Variants in FAT3 observed in about 807,000 individuals in gnomAD.
FAT3 encodes FAT atypical cadherin 3, also known as protocadherin Fat 3.
FAT3 carries 95 observed loss-of-function variants against 310.2 expected under a neutral mutation model. The ratio of observed to expected loss-of-function variants is 0.31; its 90% CI spans 0.26 to 0.36. FAT3 has a LOEUF of 0.36. Ranked by LOEUF, FAT3 falls within the 10% of genes least tolerant of loss-of-function variation. The pLI, the probability that FAT3 is intolerant of heterozygous loss-of-function variation, is 1.00. For missense variants in FAT3, 5,408 were observed against 5,715.6 expected, an observed-to-expected ratio of 0.95 and a Z score of 1.74; for synonymous variants, 2,314 against 2,192.9, an observed-to-expected ratio of 1.06 and a Z score of -1.54.
chr11:92,423,286 A>G (rs1029389827), intron 2 of FAT3, among the ~76,000 whole-genome samples: 1 of 152,190 alleles, frequency 6.6e-6, no homozygotes, highest in African/African-American at 2.4e-5. Context: ...TCGGTTGCAA[A>G]GAGCATTGGA....
Position 92,828,357 on chromosome 11 carries a change from A to G in FAT3, c.9482-3265A>G, listed in dbSNP as rs542723614. Among the ~76,000 whole-genome samples, 13 of 152,160 alleles carry G rather than the reference A, an allele frequency of 8.5e-5. 1 individual carries two copies. Among genetic ancestry groups the G allele is most frequent in the Admixed American group, 3.9e-4 (6 of 15,294 alleles). On this transcript the variant is annotated intron_variant, in intron 13 of 27. Coordinates refer to ENST00000525166, the MANE Select transcript of FAT3 (RefSeq NM_001367949.2). ...CTAAAACTTATTGAAATCCATTGCAATTGTGTCTAAATTGGAGGTTTAATA... is the reference window on the plus strand; with the variant it reads ...CTAAAACTTATTGAAATCCATTGCAGTTGTGTCTAAATTGGAGGTTTAATA...
At chr11:92,412,774 G>T (rs1433507405) in intron 2 of FAT3, among the ~76,000 whole-genome samples, 1 of 58,288 alleles carries the variant, frequency 1.7e-5, no homozygotes. Context: ...TATATTTAAT[G>T]TAAGACTTTA....
intron 2 of FAT3, among the ~76,000 whole-genome samples, chr11:92,473,182 A>G (rs185712379): frequency 1.0e-3 from 155 of 152,306 alleles, no homozygotes; most frequent in African/African-American, 3.5e-3. Flanking sequence ...AATTAGGCTT[A>G]TAAGTTTCTT....
At chr11:92,698,660 A>G (rs1591621461) in intron 4 of FAT3, among the ~76,000 whole-genome samples, 1 of 152,180 alleles carries the variant, frequency 6.6e-6, no homozygotes, top group East Asian at 1.9e-4. Flanking sequence ...ATCATCTCAT[A>G]AAGATAAAAG....
At chr11:92,855,221 T>A (rs1177224957) in intron 19 of FAT3, among the ~76,000 whole-genome samples, 4 of 152,202 alleles carry the variant, frequency 2.6e-5, no homozygotes, top group South Asian at 4.1e-4. Flanking sequence ...TTATTATGAA[T>A]AAACATTAAG....
chr11:92,250,523 C>T (rs1447920983), intron 1 of FAT3, among the ~76,000 whole-genome samples: 1 of 152,054 alleles, frequency 6.6e-6, no homozygotes, highest in East Asian at 1.9e-4. Flanking sequence ...AAATTATATT[C>T]CAAGCAGTGT....
chr11:92,519,423 A>G (rs1031214585), intron 2 of FAT3, among the ~76,000 whole-genome samples: 4 of 152,164 alleles, frequency 2.6e-5, no homozygotes, highest in African/African-American at 9.6e-5. Flanking sequence ...ACCTAAGACT[A>G]TTAGACCAGA....
At chr11:92,454,082 A>G (rs1317442677) in intron 2 of FAT3, among the ~76,000 whole-genome samples, 1 of 152,218 alleles carries the variant, frequency 6.6e-6, no homozygotes, top group Non-Finnish European at 1.5e-5. Flanking sequence ...TTATTTCAAC[A>G]TGTAATGAAA....
At chr11:92,632,447 T>A (rs1941591147) in intron 3 of FAT3, among the ~76,000 whole-genome samples, 1 of 152,164 alleles carries the variant, frequency 6.6e-6, no homozygotes, top group South Asian at 2.1e-4. Flanking sequence ...AGGAGCTGTA[T>A]GCAGTGAGGG....
At chr11:92,833,956 G>A (rs1948332315) in intron 14 of FAT3, among the ~76,000 whole-genome samples, 1 of 152,194 alleles carries the variant, frequency 6.6e-6, no homozygotes, top group Non-Finnish European at 1.5e-5. Flanking sequence ...TTTTGCCTTA[G>A]GTAGAAGGAG....
At chr11:92,610,484 A>G (rs982601011) in intron 3 of FAT3, among the ~76,000 whole-genome samples, 1 of 152,156 alleles carries the variant, frequency 6.6e-6, no homozygotes, top group African/African-American at 2.4e-5. Flanking sequence ...CCAGTTGTAT[A>G]GTTTAGACCA....
At chr11:92,253,321 C>T (rs1865201068) in intron 1 of FAT3, among the ~76,000 whole-genome samples, 1 of 151,882 alleles carries the variant, frequency 6.6e-6, no homozygotes, top group South Asian at 2.1e-4. Flanking sequence ...GTTCATCACA[C>T]CATGTACCCA....
At chr11:92,848,076 T>C (rs1192271013) in intron 19 of FAT3, among the ~76,000 whole-genome samples, 2 of 152,220 alleles carry the variant, frequency 1.3e-5, no homozygotes, top group South Asian at 2.1e-4. Context: ...TAAATAGAGG[T>C]AACTGTCCAC....
chr11:92,315,033 C>A (rs1312879699), intron 1 of FAT3, among the ~76,000 whole-genome samples: 1 of 151,880 alleles, frequency 6.6e-6, no homozygotes, highest in African/African-American at 2.4e-5. Flanking sequence ...AGTTTAATTA[C>A]AACCTTCACG....
At chr11:92,416,414 A>G (rs1950415708) in intron 2 of FAT3, among the ~76,000 whole-genome samples, 1 of 151,818 alleles carries the variant, frequency 6.6e-6, no homozygotes, top group African/African-American at 2.4e-5. Flanking sequence ...AAGAAAAAAA[A>G]CCTTCCACGT....
intron 2 of FAT3, among the ~76,000 whole-genome samples, chr11:92,434,015 C>CA (rs5793598): frequency 0.015 from 1,847 of 125,812 alleles, 58 homozygotes; most frequent in African/African-American, 0.047. Flanking sequence ...GACTCAGTCT[C>CA]AAAAAAAAAA....
intron 1 of FAT3, among the ~76,000 whole-genome samples, chr11:92,274,895 T>C (rs1224176961): frequency 1.3e-5 from 2 of 152,134 alleles, no homozygotes; most frequent in Non-Finnish European, 2.9e-5. Context: ...TTTTCACAGA[T>C]TTTGGAAACT....
intron 2 of FAT3, among the ~76,000 whole-genome samples, chr11:92,439,808 C>A (rs994936030): frequency 6.6e-6 from 1 of 151,972 alleles, no homozygotes; most frequent in Non-Finnish European, 1.5e-5. Flanking sequence ...TCTAGCTATT[C>A]AGGAGGCTGA....
intron 10 of FAT3, among the ~76,000 whole-genome samples, chr11:92,804,661 C>T (rs1374245328): frequency 2.0e-5 from 3 of 152,180 alleles, no homozygotes; most frequent in Admixed American, 6.5e-5. Flanking sequence ...CGCCAAACTC[C>T]AGTTCTTATG....
Sources: allele counts gnomAD v4.1 joint callset (sites outside exome capture counted in the v4.1 genomes callset), GRCh38; gene constraint gnomAD v4.1.1; transcripts MANE v1.5; gene names NCBI Gene and HGNC (gene_info 2026-07-23, HGNC 2026-07-21).